GFM1: variants seen among roughly 807,000 people sequenced by gnomAD.
The protein encoded by GFM1 is G elongation factor mitochondrial 1, also known as elongation factor G, mitochondrial.
GFM1 carries 62 observed loss-of-function variants against 96.2 expected under a neutral mutation model. That is an observed-to-expected ratio of 0.64 (90% confidence interval 0.53 to 0.80). The LOEUF is 0.80. Ranked by LOEUF, GFM1 falls within the 30% of genes least tolerant of loss-of-function variation. The probability of loss-of-function intolerance (pLI) is 0.00; values close to 1 mark genes in which losing one functional copy is unlikely to be tolerated. For synonymous variants in GFM1, 282 were observed against 312.9 expected, an observed-to-expected ratio of 0.90 and a Z score of 1.04; for missense variants, 852 against 916.6, an observed-to-expected ratio of 0.93 and a Z score of 0.91.
Position 158,691,361 on chromosome 3 carries a change from A to G in GFM1, c.2150A>G (p.Tyr717Cys), listed in dbSNP as rs1726303642. The G allele has an allele frequency of 6.2e-7, 1 of 1,613,900 alleles. No individual in the cohort carries two copies. Among genetic ancestry groups the G allele is most frequent in the Non-Finnish European group, 8.5e-7 (1 of 1,179,828 alleles). Residue 717 changes from tyrosine (Y) to cysteine (C), a missense_variant, in exon 18 of 18, where the codon TAT becomes TGT. By Grantham distance (194) the Tyr-to-Cys change is radical. Transcript: ENST00000486715. Reference protein sequence around the residue: ...TEGKGEYTMEYSRYQPCLPST... With the variant: ...TEGKGEYTMECSRYQPCLPST... Reference sequence around the variant, plus strand: ...GGAAAGGGAGAATACACAATGGAGTATAGCAGGTATCAGCCATGTTTACCA... The same window carrying G: ...GGAAAGGGAGAATACACAATGGAGTGTAGCAGGTATCAGCCATGTTTACCA...
intron 13 of GFM1, among the ~76,000 whole-genome samples, chr3:158,674,864 G>T (rs1387236296): frequency 6.6e-6 from 1 of 152,080 alleles, no homozygotes; most frequent in Non-Finnish European, 1.5e-5. Context: ...CATTATATGT[G>T]CAGTCCAGGA....
At chr3:158,666,948 C>T in intron 13 of GFM1, 2 of 1,553,866 alleles carry the variant, frequency 1.3e-6, no homozygotes, top group Admixed American at 4.1e-5. Context: ...ATAAAGCATA[C>T]TGTGGCTATA....
Position 158,653,394 on chromosome 3 carries a change from CT to C in GFM1, c.929del (p.Leu310Ter), listed in dbSNP as rs1250376973. 1 of 1,613,114 alleles carries C rather than the reference CT, an allele frequency of 6.2e-7. No individual in the cohort carries two copies. Among genetic ancestry groups the C allele is most frequent in the South Asian group, 1.1e-5 (1 of 91,062 alleles). ...CTTGAAGAACAAAGGAGTTCAGCCT[CT>C]TTTAGATGCTGTTTTAGAATACCTC... ...SALKNKGVQP[L>X]LDAVLEYLPN... On this transcript the variant is annotated frameshift_variant, in exon 7 of 18. Coordinates refer to ENST00000486715, the MANE Select transcript of GFM1 (RefSeq NM_024996.7). LOFTEE classifies it high-confidence loss of function.
intron 13 of GFM1, chr3:158,669,557 T>G: frequency 6.2e-7 from 1 of 1,614,056 alleles, no homozygotes; most frequent in African/African-American, 1.3e-5. Context: ...CTGGTGCAGT[T>G]TCTTGTCCCG....
At chr3:158,656,012 T>G (rs949665525) in intron 8 of GFM1, 8 of 437,250 alleles carry the variant, frequency 1.8e-5, no homozygotes, top group African/African-American at 1.6e-4. Flanking sequence ...TTGGGTTTAT[T>G]ATTTGATGCT....
intron 1 of GFM1, 138 bp downstream of exon 1, chr3:158,644,853 A>G (rs981720475): frequency 4.0e-6 from 3 of 754,714 alleles, no homozygotes; most frequent in South Asian, 3.0e-5. Flanking sequence ...TCAGTGCTGA[A>G]AAGCACCTCG....
intron 5 of GFM1, chr3:158,649,364 G>A (rs940115329): frequency 1.8e-5 from 8 of 437,582 alleles, no homozygotes; most frequent in African/African-American, 1.4e-4. Flanking sequence ...GTTACTTTTT[G>A]GGTAATATAC....
chr3:158,661,791 T>C (rs1256038264), intron 10 of GFM1, among the ~76,000 whole-genome samples: 2 of 152,204 alleles, frequency 1.3e-5, no homozygotes, highest in Non-Finnish European at 2.9e-5. Context: ...TCTAACAGAA[T>C]AGCACTGTAA....
At chr3:158,671,110 G>T in intron 13 of GFM1, 1 of 1,324,650 alleles carries the variant, frequency 7.5e-7, no homozygotes, top group Non-Finnish European at 9.8e-7. Context: ...TTGGTTGGAG[G>T]GGCTGGCTGA....
At position 158,692,814 on chromosome 3, in the gene GFM1, C is replaced by T. The variant is rs1192621049; in HGVS notation, c.*1347C>T. Among the ~76,000 whole-genome samples, 1 of 151,948 alleles carries T rather than the reference C, an allele frequency of 6.6e-6. No homozygotes were observed. The highest frequency in any genetic ancestry group is 1.5e-5 in the Non-Finnish European group (1 of 68,002). ...TCAAGCAATTATCCCATCTCAGCTG[C>T]CTAAGTAGGTGGGACTACAGGTGTG... On this transcript the variant is annotated 3_prime_UTR_variant, in exon 18 of 18. Transcript: ENST00000486715.
rs1405731356 is a variant in GFM1 at position 158,669,274 on chromosome 3, C to T, written c.1601+2888C>T. On this transcript the variant is annotated intron_variant, in intron 13 of 17. Transcript: ENST00000486715. Reference sequence around the variant, plus strand: ...ATTAAGCTATGGATCTATAAAATTTCTGAGGCCTCTTTTTTGTTGGATTGG... The same window carrying T: ...ATTAAGCTATGGATCTATAAAATTTTTGAGGCCTCTTTTTTGTTGGATTGG... The T allele has an allele frequency of 2.5e-6, 3 of 1,195,434 alleles. No homozygotes were observed. In the Admixed American group the frequency reaches 8.8e-5, roughly 35 times the overall value. 74.1% of individuals were successfully genotyped at this position (1,195,434 alleles called of 1,614,324 possible).
chr3:158,652,130 T>C lies in GFM1; in HGVS notation c.724T>C (p.Leu242=), dbSNP rs2108016772. 8.7e-6 allele frequency: 14 copies of C among 1,614,164 alleles called. No homozygotes were observed. The highest frequency in any genetic ancestry group is 1.2e-5 in the Non-Finnish European group (14 of 1,180,004). ...TCGATATGGTGAGATTCCAGCTGAA[T>C]TAAGGGCGGCGGCCACTGACCACCG... ...IVRYGEIPAE[L]RAAATDHRQE... Residue 242 remains leucine (L), a synonymous_variant, in exon 6 of 18, where the codon TTA becomes CTA. Coordinates refer to ENST00000486715, the MANE Select transcript of GFM1 (RefSeq NM_024996.7).
intron 15 of GFM1, 94 bp from the exon 16 acceptor site, chr3:158,690,069 T>C: frequency 8.9e-7 from 1 of 1,119,740 alleles, no homozygotes; most frequent in East Asian, 2.4e-5. Flanking sequence ...TTTGTACCTT[T>C]GGGAAAGCAT....
rs778535572 is a variant in GFM1, at chr3:158,658,996, C to T, written c.1158C>T (p.Asn386=). The part of the protein sequence containing the change: ...GELKKGDTIY[N]TRTRKKVRLQ... ...TAAAGAAGGGTGACACCATCTATAA[C>T]ACAAGGACAAGAAAGAAAGTACGGT... Residue 386 remains asparagine, a synonymous_variant, in exon 9 of 18, where the codon AAC becomes AAT. Transcript: ENST00000486715. 6.2e-7 allele frequency: 1 copy of T among 1,614,040 alleles called. No individual in the cohort carries two copies. Among genetic ancestry groups the T allele is most frequent in the Non-Finnish European group, 8.5e-7 (1 of 1,180,028 alleles).
chr3:158,681,506 T>C (rs1041303508), intron 13 of GFM1, among the ~76,000 whole-genome samples: 1 of 152,202 alleles, frequency 6.6e-6, no homozygotes, highest in Admixed American at 6.5e-5. Context: ...TATTAATTAT[T>C]TCACTTGGAA....
rs28372852 is a variant in GFM1 at position 158,644,602 on chromosome 3, C to T, written c.-33C>T. The T allele has an allele frequency of 0.2, 315,257 of 1,544,880 alleles. 33,214 individuals carry two copies. Among genetic ancestry groups the T allele is most frequent in the Non-Finnish European group, 0.22 (251,557 of 1,141,386 alleles). On this transcript the variant is annotated 5_prime_UTR_variant, in exon 1 of 18. Coordinates refer to ENST00000486715, the MANE Select transcript of GFM1 (RefSeq NM_024996.7). ...TACCGGCAGCTGAACCCACCCGGCGCCACGGGACTTTGACGCGTGCTCTGC... is the reference window on the plus strand; with the variant it reads ...TACCGGCAGCTGAACCCACCCGGCGTCACGGGACTTTGACGCGTGCTCTGC...
chr3:158,654,745 G>A (rs1560131252), intron 8 of GFM1, 114 bp downstream of exon 8: 1 of 759,256 alleles, frequency 1.3e-6, no homozygotes, highest in African/African-American at 1.7e-5. Context: ...AAATAGGAAA[G>A]TAGAAAGAGC....
intron 15 of GFM1, among the ~76,000 whole-genome samples, chr3:158,685,696 T>C (rs17631016): frequency 0.11 from 17,119 of 152,196 alleles, 1,238 homozygotes; most frequent in South Asian, 0.21. Flanking sequence ...CAGCTCTCTA[T>C]TAAAAATGCA....
intron 13 of GFM1, among the ~76,000 whole-genome samples, chr3:158,678,226 A>C (rs1725067073): frequency 6.6e-6 from 1 of 152,236 alleles, no homozygotes; most frequent in African/African-American, 2.4e-5. Flanking sequence ...CATGCCCGCC[A>C]ATACAACATT....
Sources: allele counts gnomAD v4.1 joint callset (sites outside exome capture counted in the v4.1 genomes callset), GRCh38; gene constraint gnomAD v4.1.1; transcripts MANE v1.5; gene names NCBI Gene and HGNC (gene_info 2026-07-23, HGNC 2026-07-21).